Variants in RAVER2 observed in about 807,000 individuals in gnomAD.
The protein encoded by RAVER2 is ribonucleoprotein PTB-binding 2.
A neutral mutation model predicts 78.1 loss-of-function variants in RAVER2; 46 were observed. The ratio of observed to expected loss-of-function variants is 0.59; its 90% CI spans 0.46 to 0.75. The LOEUF is 0.75. RAVER2 is among the 30% of genes least tolerant of loss of function. The pLI, the probability that RAVER2 is intolerant of heterozygous loss-of-function variation, is 0.00. For missense variants in RAVER2, 793 were observed against 837.5 expected (o/e 0.95, Z 0.66); for synonymous variants, 311 against 313.3 (o/e 0.99, Z 0.08).
At chr1:64,831,659 A>G (rs1005151674) in exon 12 of RAVER2, 1 of 152,228 alleles carries the variant, frequency 6.6e-6, no homozygotes, top group African/African-American at 2.4e-5. Context: ...TTGGTGATCT[A>G]ATAAAAGGGT....
At chr1:64,755,542 A>G (rs1651828149) in intron 1 of RAVER2, among the ~76,000 whole-genome samples, 2 of 151,746 alleles carry the variant, frequency 1.3e-5, no homozygotes, top group Non-Finnish European at 2.9e-5. Context: ...ACCCCACCCT[A>G]TCTGCTCTAC....
intron 4 of RAVER2, among the ~76,000 whole-genome samples, chr1:64,781,947 A>G (rs979452340): frequency 6.6e-6 from 1 of 151,938 alleles, no homozygotes; most frequent in Non-Finnish European, 1.5e-5. Flanking sequence ...TCTTTCACCC[A>G]GGCTGGAGTG....
chr1:64,745,292 C>T lies in RAVER2; in HGVS notation c.120C>T (p.Gly40=), dbSNP rs1284660157. ...GCCCCTCAGCCGAAGCGCACGAGGG[C>T]GCCCCGGACCCGATGCCCGCCGCGC... Residue 40 remains glycine, a synonymous_variant, in exon 1 of 12, where the codon GGC becomes GGT. Transcript: ENST00000294428. This position sits in a 1 kb window ranked among gnomAD's most constrained non-coding sequence, Gnocchi z 4.3. 3.5e-5 allele frequency: 51 copies of T among 1,466,978 alleles called. No homozygotes were observed. Among genetic ancestry groups the T allele is most frequent in the Non-Finnish European group, 4.5e-5 (50 of 1,105,208 alleles). 90.9% of individuals were successfully genotyped at this position (1,466,978 alleles called of 1,614,324 possible). A position where few individuals can be genotyped will look rare whatever the true frequency, so the allele number is the denominator to read the frequency against.
At chr1:64,803,617 A>G (rs761269518) in intron 6 of RAVER2, among the ~76,000 whole-genome samples, 7 of 152,182 alleles carry the variant, frequency 4.6e-5, no homozygotes, top group Non-Finnish European at 7.4e-5. Flanking sequence ...CAAACAATAT[A>G]TAATCGAATT....
intron 10 of RAVER2, among the ~76,000 whole-genome samples, chr1:64,813,286 C>T (rs147207114): frequency 6.6e-6 from 1 of 152,308 alleles, no homozygotes; most frequent in Non-Finnish European, 1.5e-5. Context: ...AGGATGTTCA[C>T]TGCAACATTG....
intron 1 of RAVER2, among the ~76,000 whole-genome samples, chr1:64,762,691 G>A (rs1394759498): frequency 6.6e-6 from 1 of 152,082 alleles, no homozygotes; most frequent in African/African-American, 2.4e-5. Flanking sequence ...CAAAAAAATT[G>A]AACCTTGACC....
At chr1:64,780,477 A>G (rs1652597623) in intron 3 of RAVER2, among the ~76,000 whole-genome samples, 1 of 152,228 alleles carries the variant, frequency 6.6e-6, no homozygotes, top group Non-Finnish European at 1.5e-5. Flanking sequence ...CTTCAAAAAC[A>G]AGAGAAAAGA....
intron 4 of RAVER2, among the ~76,000 whole-genome samples, chr1:64,782,057 C>T (rs774274250): frequency 3.3e-5 from 5 of 152,146 alleles, no homozygotes; most frequent in Non-Finnish European, 7.4e-5. Flanking sequence ...GCACATGCCA[C>T]CATGCCTGGC....
rs1651608384 is a variant in RAVER2 at position 64,748,601 on chromosome 1, T to C, written c.249+3180T>C. 2.0e-5 allele frequency among the ~76,000 whole-genome samples: 3 copies of C among 152,372 alleles called. No homozygotes were observed. In the South Asian group the frequency reaches 6.2e-4, roughly 32 times the overall value. ...TGAGAATTTTATATTAATTTTATAT[T>C]CTATTAGTAACATTGGATTTAACAC... On this transcript the variant is annotated intron_variant, in intron 1 of 11. Transcript: ENST00000294428.
chr1:64,803,062 G>T lies in RAVER2; in HGVS notation c.1191+1G>T. On this transcript the variant is annotated splice_donor_variant, in intron 6 of 11. Transcript: ENST00000294428. LOFTEE classifies it high-confidence loss of function. ...TTTACATTTGAATAAAGCACATCAG[G>T]TACATAAATAACATTGAGTACTGAA... 6.3e-7 allele frequency: 1 copy of T among 1,577,094 alleles called. No individual in the cohort carries two copies. The highest frequency in any genetic ancestry group is 8.7e-7 in the Non-Finnish European group (1 of 1,148,366).
chr1:64,814,977 C>A, intron 11 of RAVER2, 137 bp downstream of exon 11: 1 of 727,678 alleles, frequency 1.4e-6, no homozygotes, highest in Non-Finnish European at 1.9e-6. Context: ...ATTTCTTACT[C>A]ATCATTTGAA....
At chr1:64,804,345 A>G (rs576305370) in intron 6 of RAVER2, among the ~76,000 whole-genome samples, 1 of 151,810 alleles carries the variant, frequency 6.6e-6, no homozygotes, top group Admixed American at 6.6e-5. Flanking sequence ...TCCTTAGGGG[A>G]TTGTAAGATC....
At chr1:64,816,420 C>T (rs1328747883) in intron 11 of RAVER2, 1 of 152,208 alleles carries the variant, frequency 6.6e-6, no homozygotes, top group Non-Finnish European at 1.5e-5. Context: ...TTTGTTCTCT[C>T]TCTCGTGTTC....
In RAVER2 at chr1:64,778,121, A is replaced by C. The variant is rs1652524297; in HGVS notation, c.786+29A>C. 3 of 1,454,788 alleles carry C rather than the reference A, an allele frequency of 2.1e-6. No homozygotes were observed. In the African/African-American group the frequency reaches 4.3e-5, roughly 21 times the overall value. The allele number at this position is 1,454,788 out of a possible 1,614,324, so 90.1% of individuals were successfully genotyped here. A position where few individuals can be genotyped will look rare whatever the true frequency, so the allele number is the denominator to read the frequency against. ...TGTATTTTTAAGAGATTATTGAAAT[A>C]TTTTAAAATATATACATATGTATCT... is the stretch of plus-strand genomic sequence containing the variant. On this transcript the variant is annotated intron_variant, in intron 3 of 11. Transcript: ENST00000294428.
At chr1:64,820,305 AAAAC>A (rs1418800279) in intron 11 of RAVER2, among the ~76,000 whole-genome samples, 1 of 152,228 alleles carries the variant, frequency 6.6e-6, no homozygotes, top group African/African-American at 2.4e-5. Flanking sequence ...GGTCTAATAA[AAAAC>A]AAATATCCGA....
chr1:64,745,184 G>T lies in RAVER2; in HGVS notation c.12G>T (p.Ala4=). 9.8e-7 allele frequency: 1 copy of T among 1,020,548 alleles called. No individual in the cohort carries two copies. Among genetic ancestry groups the T allele is most frequent in the Non-Finnish European group, 1.2e-6 (1 of 854,778 alleles). The allele number at this position is 1,020,548 out of a possible 1,614,324, so 63.2% of individuals were successfully genotyped here. The change falls in exon 1 of 12, where the codon GCG becomes GCT. Residue 4 remains alanine, a synonymous_variant. Coordinates refer to ENST00000294428, the Ensembl canonical transcript of RAVER2. The surrounding 1 kb of genome is among the most constrained non-coding windows in gnomAD (Gnocchi z 4.3). ...GGGCGCCCGGGAAGATGGCGGCGGCGGCGGGAGACGGCGGCGGCGAGGGGG... is the reference window on the plus strand; with the variant it reads ...GGGCGCCCGGGAAGATGGCGGCGGCTGCGGGAGACGGCGGCGGCGAGGGGG...
chr1:64,818,039 T>C (rs1653795347), intron 11 of RAVER2, among the ~76,000 whole-genome samples: 1 of 152,208 alleles, frequency 6.6e-6, no homozygotes, highest in South Asian at 2.1e-4. Flanking sequence ...CATTGAGAAG[T>C]TTCTTCAGGC....
intron 11 of RAVER2, chr1:64,815,478 C>A (rs1653733401): frequency 6.6e-6 from 1 of 152,290 alleles, no homozygotes; most frequent in South Asian, 2.1e-4. Context: ...GGCCCTTCTT[C>A]AGCTTACTCT....
In RAVER2 at chr1:64,813,570, A is replaced by C. The variant is rs746332942; in HGVS notation, c.1792+721A>C. ...AATCCAAAAAAGTAAATTCTAAACT[A>C]TTACCTCTGGGAAGAAGAATAGGAT... On this transcript the variant is annotated intron_variant, in intron 10 of 11. Transcript: ENST00000294428. Among the ~76,000 whole-genome samples, 3 of 152,196 alleles carry C rather than the reference A, an allele frequency of 2.0e-5. No homozygotes were observed. The South Asian group carries it at 6.2e-4, about 31-fold the overall frequency.
Sources: gnomAD v4.1 joint callset for allele counts (sites outside exome capture counted in the v4.1 genomes callset) on GRCh38, gnomAD v4.1.1 for gene constraint, Gnocchi (gnomAD v3.1) non-coding constraint, MANE v1.5 for transcripts, NCBI Gene and HGNC (gene_info 2026-07-23, HGNC 2026-07-21) for gene names.